Variants in ESR1 observed in about 807,000 individuals in gnomAD.
ESR1 encodes the protein estrogen receptor.
In ESR1, 12 loss-of-function variants were observed where a neutral mutation model predicts 52.7. The observed-to-expected ratio is 0.23, with a 90% CI of 0.15 to 0.37. The LOEUF is 0.37. ESR1 is among the 10% of genes least tolerant of loss of function. The pLI is 1.00. For synonymous variants in ESR1, 305 were observed against 316.8 expected, an observed-to-expected ratio of 0.96 and a Z score of 0.39; for missense variants, 584 against 779.7, an observed-to-expected ratio of 0.75 and a Z score of 2.99.
chr6:151,860,801 G>A (rs1464623224), intron 2 of ESR1, among the ~76,000 whole-genome samples: 1 of 152,196 alleles, frequency 6.6e-6, no homozygotes, highest in Non-Finnish European at 1.5e-5. Context: ...AGCATAGCCA[G>A]TTATATGATG....
Position 152,011,820 on chromosome 6 carries a change from A to G in ESR1, c.1235+26A>G, listed in dbSNP as rs2042785026. On this transcript the variant is annotated intron_variant, in intron 5 of 7. Coordinates refer to ENST00000206249, the MANE Select transcript of ESR1 (RefSeq NM_000125.4). Reference sequence around the variant, plus strand: ...GTAAGTGACCTGGCTGTAGCTTAGGAGTAGCATGTTCTTTACGATCATAGT... The same window carrying G: ...GTAAGTGACCTGGCTGTAGCTTAGGGGTAGCATGTTCTTTACGATCATAGT... 1.9e-6 allele frequency: 3 copies of G among 1,610,950 alleles called. No individual in the cohort carries two copies. In the South Asian group the frequency reaches 3.3e-5, roughly 18 times the overall value.
At chr6:152,033,709 G>A (rs971395461) in intron 5 of ESR1, among the ~76,000 whole-genome samples, 47 of 152,298 alleles carry the variant, frequency 3.1e-4, no homozygotes, top group African/African-American at 1.1e-3. Context: ...CTGTAAACTA[G>A]TTCAACCATT....
At chr6:151,806,530 G>GTATGTATATATA (rs1430574846), upstream of ESR1, among the ~76,000 whole-genome samples, 1 of 96,468 alleles carries the variant, frequency 1.0e-5, no homozygotes, top group African/African-American at 4.0e-5. Flanking sequence ...TCCTTAATAT[G>GTATGTATATATA]TATATATATA....
chr6:151,797,004 C>G (rs972154912), intron 2 of ESR1, among the ~76,000 whole-genome samples: 3 of 152,196 alleles, frequency 2.0e-5, no homozygotes, highest in African/African-American at 7.2e-5. Flanking sequence ...CTACTACAGT[C>G]ATTGTGAGTG....
At chr6:151,861,196 A>G (rs1192078182) in intron 2 of ESR1, among the ~76,000 whole-genome samples, 1 of 152,078 alleles carries the variant, frequency 6.6e-6, no homozygotes. Flanking sequence ...TCAGCCTGCT[A>G]TGTCTCTTTC....
chr6:151,797,649 A>G (rs1189545475), intron 2 of ESR1, among the ~76,000 whole-genome samples: 1 of 152,314 alleles, frequency 6.6e-6, no homozygotes, highest in East Asian at 1.9e-4. Flanking sequence ...TTTATTACAT[A>G]TGATTAATTG....
At chr6:152,058,708 T>C (rs1014543597) in intron 5 of ESR1, among the ~76,000 whole-genome samples, 1 of 152,166 alleles carries the variant, frequency 6.6e-6, no homozygotes, top group Admixed American at 6.5e-5. Context: ...CTAGATCTCT[T>C]TACTGACAGT....
intron 2 of ESR1, among the ~76,000 whole-genome samples, chr6:151,864,325 A>T (rs1395273968): frequency 6.6e-6 from 1 of 152,212 alleles, no homozygotes; most frequent in Admixed American, 6.5e-5. Context: ...CAGCCAACAG[A>T]CACATGAAAA....
In ESR1 at chr6:151,781,815, A is replaced by C. The variant is rs1042898253; in HGVS notation, c.-70-26028A>C. 3.9e-5 allele frequency among the ~76,000 whole-genome samples: 6 copies of C among 152,012 alleles called. 1 individual carries two copies. Among genetic ancestry groups the C allele is most frequent in the African/African-American group, 1.2e-4 (5 of 41,446 alleles). ...AAAAGTATTGTGCACAAAAAAAAAA[A>C]CTACTTTCAGCATAGGCTATATTTT... On this transcript the variant is annotated intron_variant, in intron 2 of 2. Transcript: ENST00000404742.
chr6:151,877,589 A>G (rs1792073804), intron 2 of ESR1, among the ~76,000 whole-genome samples: 1 of 152,182 alleles, frequency 6.6e-6, no homozygotes, highest in Admixed American at 6.5e-5. Context: ...ATGTTAGTTC[A>G]GGAATTTCAC....
intron 3 of ESR1, among the ~76,000 whole-genome samples, chr6:151,907,527 A>G (rs1797642275): frequency 6.6e-6 from 1 of 152,006 alleles, no homozygotes; most frequent in East Asian, 1.9e-4. Flanking sequence ...AAGTTTTACA[A>G]ATTTGGGATT....
At position 151,930,665 on chromosome 6, in the gene ESR1, A is replaced by G. The variant is rs562971307; in HGVS notation, c.761-13508A>G. Among the ~76,000 whole-genome samples, 3 of 152,310 alleles carry G rather than the reference A, an allele frequency of 2.0e-5. No homozygotes were observed. In the East Asian group the frequency reaches 5.8e-4, roughly 29 times the overall value. ...TTATGTAGATCCAAGTTTCTGACTT[A>G]TATCACCTTCCTCTTGCTTGAAGAA... On this transcript the variant is annotated intron_variant, in intron 3 of 7. Coordinates refer to ENST00000206249, the MANE Select transcript of ESR1 (RefSeq NM_000125.4).
intron 5 of ESR1, among the ~76,000 whole-genome samples, chr6:152,055,320 C>G (rs559371977): frequency 1.3e-5 from 2 of 152,304 alleles, no homozygotes; most frequent in African/African-American, 4.8e-5. Context: ...CCAGGGTTCA[C>G]TTTTCCTCAT....
chr6:151,948,399 C>T (rs1562583516), intron 4 of ESR1, among the ~76,000 whole-genome samples: 1 of 152,110 alleles, frequency 6.6e-6, no homozygotes. Flanking sequence ...TTTTTATTGC[C>T]TGTTAAATAC....
chr6:151,709,355 T>C (rs1245057982), intron 2 of ESR1, among the ~76,000 whole-genome samples: 3 of 152,342 alleles, frequency 2.0e-5, no homozygotes, highest in South Asian at 4.1e-4. Flanking sequence ...TGTGAACATA[T>C]ACCATATTTT....
chr6:151,905,736 A>G (rs1797336075), intron 3 of ESR1, among the ~76,000 whole-genome samples: 1 of 152,210 alleles, frequency 6.6e-6, no homozygotes, highest in South Asian at 2.1e-4. Flanking sequence ...AAATATAGAA[A>G]TATAAGAAAG....
intron 1 of ESR1, among the ~76,000 whole-genome samples, chr6:151,662,506 G>A (rs1777672394): frequency 6.6e-6 from 1 of 152,182 alleles, no homozygotes; most frequent in South Asian, 2.1e-4. Context: ...GTTTGTCTGG[G>A]TCTTGGGACC....
intron 2 of ESR1, among the ~76,000 whole-genome samples, chr6:151,763,871 G>A (rs1177154220): frequency 2.0e-5 from 3 of 152,182 alleles, no homozygotes; most frequent in Admixed American, 6.5e-5. Context: ...AACGTGGTTA[G>A]GTACAACTTA....
chr6:151,743,145 G>A (rs1783220226), intron 2 of ESR1, among the ~76,000 whole-genome samples: 1 of 151,930 alleles, frequency 6.6e-6, no homozygotes, highest in Admixed American at 6.6e-5. Context: ...TGGGATCGCA[G>A]GCCAGGCAGT....
Sources: allele counts gnomAD v4.1 joint callset (sites outside exome capture counted in the v4.1 genomes callset), GRCh38; gene constraint gnomAD v4.1.1; transcripts MANE v1.5; gene names NCBI Gene and HGNC (gene_info 2026-07-23, HGNC 2026-07-21).